Variants in CHL1 observed in about 807,000 individuals in gnomAD.
CHL1 encodes cell adhesion molecule L1 like.
Under a neutral mutation model 141.9 loss-of-function variants are expected in CHL1, and 96 were observed. The ratio of observed to expected loss-of-function variants is 0.68; its 90% CI spans 0.57 to 0.80. CHL1 has a LOEUF of 0.80. Ranked by LOEUF, CHL1 falls within the 30% of genes least tolerant of loss-of-function variation. CHL1 has a pLI of 0.00. For synonymous variants in CHL1, 613 were observed against 502.2 expected, an observed-to-expected ratio of 1.22 and a Z score of -2.95; for missense variants, 1,820 against 1,457.2, an observed-to-expected ratio of 1.25 and a Z score of -4.05.
At chr3:337,872 C>T (rs571187904) in intron 5 of CHL1, among the ~76,000 whole-genome samples, 28 of 152,214 alleles carry the variant, frequency 1.8e-4, no homozygotes, top group African/African-American at 5.8e-4. Flanking sequence ...ATTTATAATC[C>T]TTTGGGTATA....
intron 2 of CHL1, among the ~76,000 whole-genome samples, chr3:270,736 TA>T (rs1695564227): frequency 6.6e-6 from 1 of 152,246 alleles, no homozygotes; most frequent in African/African-American, 2.4e-5. Context: ...GTCAAGTTGT[TA>T]GCTGGGGCTG....
chr3:327,481 T>C (rs1428966242), intron 4 of CHL1, among the ~76,000 whole-genome samples: 4 of 151,952 alleles, frequency 2.6e-5, no homozygotes, highest in East Asian at 1.9e-4. Flanking sequence ...AAGTTTTTAA[T>C]TATTGGTTTA....
At chr3:319,358 C>A (rs1700380155) in intron 2 of CHL1, among the ~76,000 whole-genome samples, 1 of 151,604 alleles carries the variant, frequency 6.6e-6, no homozygotes, top group African/African-American at 2.4e-5. Context: ...TGCAAAGTTA[C>A]CTCCTGAATC....
In CHL1 at chr3:328,316, G is replaced by A; in HGVS notation, c.347G>A (p.Gly116Glu). ...KYRCFASNKL[G>E]IAMSEEIEFI... Reference sequence around the variant, plus strand: ...CGCTGCTTTGCTTCAAATAAACTGGGAATCGCTATGTCAGAAGAAATAGAA... The same window carrying A: ...CGCTGCTTTGCTTCAAATAAACTGGAAATCGCTATGTCAGAAGAAATAGAA... The change falls in exon 5 of 28, where the codon GGA (glycine) becomes GAA (glutamate). Residue 116 changes from glycine to glutamate, a missense_variant. Coordinates refer to ENST00000256509, the MANE Select transcript of CHL1 (RefSeq NM_006614.4). 6.2e-7 allele frequency: 1 copy of A among 1,611,850 alleles called. No homozygotes were observed. The highest frequency in any genetic ancestry group is 1.1e-5 in the South Asian group (1 of 90,834).
Position 321,322 on chromosome 3 carries a change from G to A in CHL1, c.91+1455G>A, listed in dbSNP as rs547090083. Among the ~76,000 whole-genome samples, 15 of 152,042 alleles carry A rather than the reference G, an allele frequency of 9.9e-5. No individual in the cohort carries two copies. In the South Asian group the frequency reaches 1.9e-3, roughly 19 times the overall value. On this transcript the variant is annotated intron_variant, in intron 3 of 27. Transcript: ENST00000256509. The stretch of plus-strand genomic sequence containing the variant: ...TGACCTACAAATATACAGACTTAAA[G>A]TCTGCTTTACATTTGGCTGAAATCT...
rs968077980 is a variant in CHL1, at chr3:346,970, T to A, written c.848+2261T>A. Among the ~76,000 whole-genome samples, 14 of 152,176 alleles carry A rather than the reference T, an allele frequency of 9.2e-5. No homozygotes were observed. In the East Asian group the frequency reaches 2.7e-3, roughly 29 times the overall value. On this transcript the variant is annotated intron_variant, in intron 9 of 27. Transcript: ENST00000256509. The stretch of plus-strand genomic sequence containing the variant: ...AAAATGATTATCTATAAGTGTCAGG[T>A]GAACATGAGATATAATTTATCTCAA...
chr3:228,346 C>T (rs1182748222), intron 1 of CHL1, among the ~76,000 whole-genome samples: 1 of 152,084 alleles, frequency 6.6e-6, no homozygotes, highest in Non-Finnish European at 1.5e-5. Flanking sequence ...AGGCTTACCC[C>T]AACCACCAGA....
chr3:253,956 A>G (rs1693926651), intron 2 of CHL1, among the ~76,000 whole-genome samples: 1 of 151,860 alleles, frequency 6.6e-6, no homozygotes, highest in Admixed American at 6.6e-5. Context: ...GATATTATAT[A>G]CATTTTGAAC....
chr3:401,026 C>A (rs998380647), intron 26 of CHL1, among the ~76,000 whole-genome samples: 5 of 151,240 alleles, frequency 3.3e-5, no homozygotes, highest in African/African-American at 4.9e-5. Context: ...CTCAGCTCCT[C>A]GTGTAGCTGG....
chr3:391,214 A>G, intron 22 of CHL1, 55 bp downstream of exon 22: 1 of 1,380,418 alleles, frequency 7.2e-7, no homozygotes, highest in South Asian at 1.2e-5. Flanking sequence ...CCATGGCCAT[A>G]TTAAACATTC....
At chr3:220,502 T>C (rs946317906) in intron 1 of CHL1, among the ~76,000 whole-genome samples, 1 of 152,034 alleles carries the variant, frequency 6.6e-6, no homozygotes, top group Non-Finnish European at 1.5e-5. Flanking sequence ...ACACTAACGA[T>C]AGCTGATGAG....
chr3:406,739 C>A lies in CHL1; in HGVS notation c.*1028C>A, dbSNP rs1709555631. The A allele has an allele frequency of 6.6e-6, 1 of 152,042 alleles. No homozygotes were observed. Among genetic ancestry groups the A allele is most frequent in the African/African-American group, 2.4e-5 (1 of 41,424 alleles). 9.4% of individuals were successfully genotyped at this position (152,042 alleles called of 1,614,324 possible). On this transcript the variant is annotated 3_prime_UTR_variant, in exon 28 of 28. Transcript: ENST00000256509. ...GATACTGTTTTTCGTCATTCCAGAG[C>A]TACAACTAATAACACGAGGTTCCAA... is the stretch of plus-strand genomic sequence containing the variant.
chr3:279,245 A>G (rs147983451), intron 2 of CHL1, among the ~76,000 whole-genome samples: 2,490 of 152,292 alleles, frequency 0.016, 81 homozygotes, highest in African/African-American at 0.057. Flanking sequence ...ATTTCTCAAT[A>G]GAGAAAGTAT....
At position 408,080 on chromosome 3, in the gene CHL1, A is replaced by C. The variant is rs1055185296; in HGVS notation, c.*2369A>C. On this transcript the variant is annotated 3_prime_UTR_variant, in exon 28 of 28. Transcript: ENST00000256509. ...TTCATATATTTTATGAATCAGAATA[A>C]CCTTCAAATAAAATAAATCTAAGTC... 3.9e-5 allele frequency: 6 copies of C among 152,158 alleles called. No individual in the cohort carries two copies. Among genetic ancestry groups the C allele is most frequent in the African/African-American group, 1.4e-4 (6 of 41,444 alleles). The allele number at this position is 152,158 out of a possible 1,614,324, so 9.4% of individuals were successfully genotyped here.
At chr3:388,262 TC>T (rs1707917799) in intron 19 of CHL1, among the ~76,000 whole-genome samples, 1 of 152,150 alleles carries the variant, frequency 6.6e-6, no homozygotes, top group Non-Finnish European at 1.5e-5. Flanking sequence ...AAATTATTCC[TC>T]CAGGCTGGGT....
intron 20 of CHL1, 51 bp downstream of exon 20, chr3:389,525 A>C: frequency 3.6e-6 from 5 of 1,375,300 alleles, no homozygotes; most frequent in Non-Finnish European, 4.1e-6. Context: ...GTTGCTTTCA[A>C]ATATATTGTA....
intron 16 of CHL1, among the ~76,000 whole-genome samples, chr3:380,228 G>C (rs1706866118): frequency 6.6e-6 from 1 of 152,122 alleles, no homozygotes; most frequent in Non-Finnish European, 1.5e-5. Flanking sequence ...TGGCTTTAAT[G>C]TTTGGACACA....
chr3:396,806 G>GA (rs1338528419), intron 24 of CHL1, among the ~76,000 whole-genome samples: 3 of 151,748 alleles, frequency 2.0e-5, no homozygotes, highest in South Asian at 2.1e-4. Flanking sequence ...TAAGTACAGG[G>GA]AAAAAAATTA....
At chr3:262,487 A>C (rs113054844) in intron 2 of CHL1, among the ~76,000 whole-genome samples, 19 of 118,094 alleles carry the variant, frequency 1.6e-4, no homozygotes, top group South Asian at 1.6e-3. Context: ...CACAGTACTC[A>C]CAGGGCAGGA....
Sources: allele counts gnomAD v4.1 joint callset (sites outside exome capture counted in the v4.1 genomes callset), GRCh38; gene constraint gnomAD v4.1.1; transcripts MANE v1.5; gene names NCBI Gene and HGNC (gene_info 2026-07-23, HGNC 2026-07-21).